MTHFD1: variants seen among roughly 807,000 people sequenced by gnomAD.
The protein encoded by MTHFD1 is methylenetetrahydrofolate dehydrogenase, cyclohydrolase and formyltetrahydrofolate synthetase 1.
MTHFD1 carries 44 observed loss-of-function variants against 110.3 expected under a neutral mutation model. The observed-to-expected ratio is 0.40, with a 90% confidence interval of 0.31 to 0.51. The LOEUF (loss-of-function observed/expected upper bound fraction) is 0.51. MTHFD1 is among the 20% of genes least tolerant of loss of function. MTHFD1 has a pLI of 0.60. For synonymous variants in MTHFD1, 402 were observed against 428.8 expected (o/e 0.94, Z 0.77); for missense variants, 909 against 1,173.1 (o/e 0.77, Z 3.29).
At chr14:64,403,371 T>C (rs1258184702) in intron 2 of MTHFD1, among the ~76,000 whole-genome samples, 41 of 151,672 alleles carry the variant, frequency 2.7e-4, no homozygotes. Context: ...GCCTCCTGGG[T>C]TCAAGTGATT....
intron 7 of MTHFD1, 75 bp from the exon 8 acceptor site, chr14:64,419,739 C>A: frequency 1.0e-6 from 1 of 966,056 alleles, no homozygotes; most frequent in Non-Finnish European, 1.7e-6. Context: ...TCAGGGATAT[C>A]CTTTTCATTT....
At chr14:64,454,671 G>T in intron 25 of MTHFD1, 52 bp from the exon 26 acceptor site, 2 of 1,497,940 alleles carry the variant, frequency 1.3e-6, no homozygotes, top group Non-Finnish European at 1.9e-6. Context: ...GATGGTCATT[G>T]CTGGGTTGTC....
intron 8 of MTHFD1, among the ~76,000 whole-genome samples, chr14:64,422,631 A>G (rs1466785203): frequency 2.0e-5 from 3 of 152,100 alleles, no homozygotes; most frequent in African/African-American, 7.2e-5. Context: ...TCCAGTCTCA[A>G]CCTATCCAGT....
intron 1 of MTHFD1, among the ~76,000 whole-genome samples, chr14:64,397,168 TATATATATATATATATATATATAAA>T (rs1248194074): frequency 5.3e-5 from 1 of 18,788 alleles, no homozygotes; most frequent in African/African-American, 3.1e-4. Flanking sequence ...TATATATATA[TATATATATATATATATATATATAAA>T]AAACAGTAAT....
intron 1 of MTHFD1, among the ~76,000 whole-genome samples, chr14:64,400,410 C>T (rs2077886881): frequency 6.6e-6 from 1 of 151,908 alleles, no homozygotes; most frequent in African/African-American, 2.4e-5. Flanking sequence ...GAAATACAGG[C>T]CGGGTGCAGT....
intron 22 of MTHFD1, 130 bp downstream of exon 22, chr14:64,444,864 G>C: frequency 1.1e-6 from 1 of 915,380 alleles, no homozygotes; most frequent in Non-Finnish European, 1.8e-6. Flanking sequence ...CAAAAGGCCT[G>C]CAGTGTGCTG....
At chr14:64,443,058 C>T (rs2078260794) in intron 21 of MTHFD1, among the ~76,000 whole-genome samples, 1 of 152,174 alleles carries the variant, frequency 6.6e-6, no homozygotes, top group Non-Finnish European at 1.5e-5. Context: ...TTTCTGAAAT[C>T]ATTTGAAAAA....
chr14:64,449,682 T>C (rs1230059560), intron 24 of MTHFD1, 60 bp downstream of exon 24: 3 of 1,578,584 alleles, frequency 1.9e-6, no homozygotes, highest in Admixed American at 1.8e-5. Flanking sequence ...GTGAAGTTTC[T>C]GTGTGGCTAC....
chr14:64,442,477 G>C lies in MTHFD1; in HGVS notation c.2136+75G>C, dbSNP rs1048011577. The C allele has an allele frequency of 3.4e-6, 5 of 1,476,348 alleles. No homozygotes were observed. The East Asian group carries it at 9.0e-5, about 27-fold the overall frequency. The allele number at this position is 1,476,348 out of a possible 1,614,324, so 91.5% of individuals were successfully genotyped here. A position where few individuals can be genotyped will look rare whatever the true frequency, so the allele number is the denominator to read the frequency against. On this transcript the variant is annotated intron_variant, in intron 21 of 27. Transcript: ENST00000652337. ...AAAGGAAGTTGGATGACTTCTGCCT[G>C]TTTCTTCATTGAGTTGCTCTTATCC...
intron 3 of MTHFD1, 56 bp downstream of exon 3, chr14:64,411,205 G>C (rs748047276): frequency 1.0e-4 from 142 of 1,374,150 alleles, no homozygotes; most frequent in Non-Finnish European, 1.3e-4. Context: ...GGGTCCTATC[G>C]ATTACCCCTT....
intron 2 of MTHFD1, 121 bp from the exon 3 acceptor site, chr14:64,410,969 G>T (rs532503008): frequency 6.6e-6 from 5 of 755,766 alleles, no homozygotes; most frequent in Non-Finnish European, 1.2e-5. Flanking sequence ...TCCTGTAAAA[G>T]TTCTCTGCAA....
intron 22 of MTHFD1, among the ~76,000 whole-genome samples, chr14:64,447,454 C>CTT (rs34013579): frequency 0.097 from 12,306 of 126,904 alleles, 686 homozygotes; most frequent in East Asian, 0.17. Flanking sequence ...AGGTCCGGCC[C>CTT]TTTTTTTTTT....
In MTHFD1 at chr14:64,424,929, C is replaced by A; in HGVS notation, c.853C>A (p.Gln285Lys). Reference sequence around the variant, plus strand: ...GCCCATGACAGTTGCAATGCTCATGCAGGTAATTGTGAATAAAAGTTTCTA... The same window carrying A: ...GCCCATGACAGTTGCAATGCTCATGAAGGTAATTGTGAATAAAAGTTTCTA... Reference protein sequence around the residue: ...VGPMTVAMLMQSTVESAKRFL... With the variant: ...VGPMTVAMLMKSTVESAKRFL... The change falls in exon 9 of 28, where the codon CAG becomes AAG. Residue 285 changes from glutamine to lysine, a missense_variant and splice_region_variant. Around this residue, in one of 3 missense-constraint regions of MTHFD1, gnomAD observed 424 missense variants for 510.4 expected, o/e 0.83. Transcript: ENST00000652337. 6.2e-7 allele frequency: 1 copy of A among 1,614,178 alleles called. No individual in the cohort carries two copies. The highest frequency in any genetic ancestry group is 1.3e-5 in the African/African-American group (1 of 75,042).
At chr14:64,449,181 C>T in intron 23 of MTHFD1, 1 of 514,006 alleles carries the variant, frequency 1.9e-6, no homozygotes, top group Non-Finnish European at 3.5e-6. Flanking sequence ...GATTTACCAT[C>T]TGAGTCTCAT....
chr14:64,449,680 T>A, intron 24 of MTHFD1, 58 bp downstream of exon 24: 1 of 1,578,702 alleles, frequency 6.3e-7, no homozygotes, highest in Non-Finnish European at 8.6e-7. Flanking sequence ...CAGTGAAGTT[T>A]CTGTGTGGCT....
intron 1 of MTHFD1, chr14:64,390,378 T>A (rs7151163): frequency 2.0e-5 from 3 of 151,040 alleles, no homozygotes; most frequent in African/African-American, 7.3e-5. Context: ...GATGAAGTCT[T>A]GCTGTGTCCA....
At chr14:64,445,801 A>T (rs556409911) in intron 22 of MTHFD1, among the ~76,000 whole-genome samples, 1 of 152,308 alleles carries the variant, frequency 6.6e-6, no homozygotes, top group South Asian at 2.1e-4. Context: ...TGGTGTCTTC[A>T]TTTAAGAAAT....
At chr14:64,439,212 C>T in intron 17 of MTHFD1, 40 bp downstream of exon 17, 1 of 1,463,304 alleles carries the variant, frequency 6.8e-7, no homozygotes, top group Non-Finnish European at 9.6e-7. Flanking sequence ...AGTTCAGAGG[C>T]ACTAGATCTT....
chr14:64,401,627 C>T (rs944930003), intron 2 of MTHFD1, among the ~76,000 whole-genome samples: 11 of 148,728 alleles, frequency 7.4e-5, no homozygotes, highest in Non-Finnish European at 1.2e-4. Flanking sequence ...CACTTGAACC[C>T]GGGAGGTGGA....
Sources: gnomAD v4.1 joint callset for allele counts (sites outside exome capture counted in the v4.1 genomes callset) on GRCh38, gnomAD v4.1.1 for gene constraint, gnomAD v4.1.1 regional missense constraint, MANE v1.5 for transcripts, NCBI Gene and HGNC (gene_info 2026-07-23, HGNC 2026-07-21) for gene names.